Variants in TENT2 observed in about 807,000 individuals in gnomAD.
TENT2 encodes the protein poly(A) RNA polymerase GLD2.
In TENT2, 44 loss-of-function variants were observed where a neutral mutation model predicts 72.2. The ratio of observed to expected loss-of-function variants is 0.61; its 90% CI spans 0.48 to 0.78. The LOEUF (loss-of-function observed/expected upper bound fraction) is 0.78, where lower values mean the gene tolerates loss of function less well. TENT2 is among the 30% of genes least tolerant of loss of function. The probability of loss-of-function intolerance (pLI) is 0.00; values close to 1 mark genes in which losing one functional copy is unlikely to be tolerated. For synonymous variants in TENT2, 212 were observed against 192.5 expected (o/e 1.10, Z -0.84); for missense variants, 541 against 569.6 (o/e 0.95, Z 0.51).
chr5:79,620,907 A>G (rs538483038), intron 3 of TENT2, among the ~76,000 whole-genome samples: 2 of 152,284 alleles, frequency 1.3e-5, no homozygotes, highest in South Asian at 2.1e-4. Context: ...AAAACTTCCT[A>G]TAGTCAAGTC....
rs1229523040 is a variant in TENT2 at position 79,616,189 on chromosome 5, ATT to A, written c.-38+3139_-38+3140del. 4.3e-3 allele frequency among the ~76,000 whole-genome samples: 382 copies of A among 88,072 alleles called. 1 individual carries two copies. Among genetic ancestry groups the A allele is most frequent in the African/African-American group, 0.019 (345 of 17,906 alleles). The allele number at this position is 88,072 out of a possible 152,430, so 57.8% of individuals were successfully genotyped here. On this transcript the variant is annotated intron_variant, in intron 1 of 14. Coordinates refer to ENST00000453514, the MANE Select transcript of TENT2 (RefSeq NM_001114394.3). ...GGCATGAGCCATTGCACCCGGCCTA[ATT>A]TTTTTTTTTTTTTTTTTTTTTTTTG...
intron 4 of TENT2, among the ~76,000 whole-genome samples, chr5:79,627,109 G>T (rs572567363): frequency 6.9e-6 from 1 of 145,172 alleles, no homozygotes; most frequent in African/African-American, 2.7e-5. Flanking sequence ...CAGCCTGGGC[G>T]ACAGAGTGAG....
intron 4 of TENT2, among the ~76,000 whole-genome samples, chr5:79,634,559 G>C (rs925606589): frequency 2.0e-5 from 3 of 151,960 alleles, no homozygotes; most frequent in African/African-American, 7.3e-5. Flanking sequence ...GGCTGGTCTC[G>C]AACTCCTGAC....
rs1554095316 is a variant in TENT2 at position 79,683,326 on chromosome 5, C to CACAA, written c.1380+1268_1380+1269insAACA. On this transcript the variant is annotated intron_variant, in intron 14 of 14. Transcript: ENST00000453514. ...GCACGCACATGCTCACACACACACACACACACACACACACACCCCACCTCA... is the reference window on the plus strand; with the variant it reads ...GCACGCACATGCTCACACACACACACACAAACACACACACACACACCCCACCTCA... 4.2e-3 allele frequency among the ~76,000 whole-genome samples: 636 copies of CACAA among 151,690 alleles called. 5 individuals are homozygous for CACAA. The highest frequency in any genetic ancestry group is 0.014 in the African/African-American group (562 of 41,304).
intron 12 of TENT2, among the ~76,000 whole-genome samples, chr5:79,672,605 C>T (rs1367154776): frequency 6.6e-6 from 1 of 152,170 alleles, no homozygotes; most frequent in Admixed American, 6.5e-5. Flanking sequence ...TAATGTCCTC[C>T]AATTCCATCC....
chr5:79,623,223 A>G, intron 3 of TENT2, 29 bp from the exon 4 acceptor site: 1 of 1,487,850 alleles, frequency 6.7e-7, no homozygotes, highest in South Asian at 1.3e-5. Flanking sequence ...TTGTATCTTT[A>G]ATTACTAAGG....
intron 7 of TENT2, chr5:79,644,864 A>C (rs910675912): frequency 3.3e-6 from 1 of 305,986 alleles, no homozygotes; most frequent in African/African-American, 2.2e-5. Context: ...TCACTCTTAC[A>C]GTGGTCTAAT....
At chr5:79,640,089 T>C (rs1233523645) in intron 4 of TENT2, among the ~76,000 whole-genome samples, 1 of 151,992 alleles carries the variant, frequency 6.6e-6, no homozygotes, top group Non-Finnish European at 1.5e-5. Context: ...AAACCCTGTC[T>C]CTACAAAGAT....
At chr5:79,626,844 C>A (rs1256389532) in intron 4 of TENT2, among the ~76,000 whole-genome samples, 8 of 151,714 alleles carry the variant, frequency 5.3e-5, no homozygotes, top group Non-Finnish European at 1.2e-4. Context: ...CGTATAAGAA[C>A]CTTTTTGCTG....
chr5:79,649,762 A>G (rs939656589), intron 10 of TENT2, among the ~76,000 whole-genome samples: 1 of 152,148 alleles, frequency 6.6e-6, no homozygotes, highest in African/African-American at 2.4e-5. Context: ...AACACTTGTA[A>G]TTTGGACCAT....
rs894797592 is a variant in TENT2 at position 79,612,463 on chromosome 5, C to T, written c.-650C>T. ...CTCATCCGGGGTCACGTCGGTCTTC[C>T]GGGTGTCTTTGACAGGGTTTTCTAC... On this transcript the variant is annotated 5_prime_UTR_variant, in exon 1 of 15. Coordinates refer to ENST00000453514, the MANE Select transcript of TENT2 (RefSeq NM_001114394.3). The T allele has an allele frequency of 6.6e-6, 1 of 151,988 alleles. No homozygotes were observed. Among genetic ancestry groups the T allele is most frequent in the Non-Finnish European group, 1.5e-5 (1 of 67,984 alleles). The allele number at this position is 151,988 out of a possible 1,614,324, so 9.4% of individuals were successfully genotyped here. A position where few individuals can be genotyped will look rare whatever the true frequency, so the allele number is the denominator to read the frequency against.
chr5:79,626,944 A>G (rs530082385), intron 4 of TENT2, among the ~76,000 whole-genome samples: 6 of 152,064 alleles, frequency 3.9e-5, no homozygotes, highest in African/African-American at 1.4e-4. Context: ...AGCCTGGCCA[A>G]TATGGTGAAA....
At chr5:79,631,190 T>C (rs1473790892) in intron 4 of TENT2, among the ~76,000 whole-genome samples, 2 of 152,196 alleles carry the variant, frequency 1.3e-5, no homozygotes, top group East Asian at 1.9e-4. Flanking sequence ...AAAATGCCTA[T>C]GGACATTGCC....
At chr5:79,616,722 A>T (rs1760425093) in intron 1 of TENT2, among the ~76,000 whole-genome samples, 1 of 152,186 alleles carries the variant, frequency 6.6e-6, no homozygotes, top group African/African-American at 2.4e-5. Context: ...ATATGACAGG[A>T]TTATTTTCTT....
At chr5:79,679,549 T>G in intron 12 of TENT2, 30 bp from the exon 13 acceptor site, 1 of 1,465,882 alleles carries the variant, frequency 6.8e-7, no homozygotes, top group South Asian at 1.3e-5. Context: ...ATGAAAATAG[T>G]TAACATGGTT....
chr5:79,680,136 A>G (rs1246360899), intron 13 of TENT2, among the ~76,000 whole-genome samples: 2 of 152,158 alleles, frequency 1.3e-5, no homozygotes, highest in Non-Finnish European at 2.9e-5. Context: ...TATCCTTGAG[A>G]CACTTTGAGT....
chr5:79,675,065 T>C (rs535021774), intron 12 of TENT2, among the ~76,000 whole-genome samples: 1 of 152,310 alleles, frequency 6.6e-6, no homozygotes, highest in Non-Finnish European at 1.5e-5. Context: ...ATATGGATAA[T>C]GTAACTCATT....
At chr5:79,617,621 C>T (rs1315843875) in intron 1 of TENT2, 1 of 152,140 alleles carries the variant, frequency 6.6e-6, no homozygotes, top group African/African-American at 2.4e-5. Flanking sequence ...TGTTTCTGCC[C>T]TACATCAGAT....
chr5:79,663,757 AC>A (rs2150486635), intron 11 of TENT2, among the ~76,000 whole-genome samples: 1 of 152,358 alleles, frequency 6.6e-6, no homozygotes, highest in Admixed American at 6.5e-5. Flanking sequence ...AGAGTGGAAC[AC>A]AGAGACCTGA....
Sources: allele counts gnomAD v4.1 joint callset (sites outside exome capture counted in the v4.1 genomes callset), GRCh38; gene constraint gnomAD v4.1.1; transcripts MANE v1.5; gene names NCBI Gene and HGNC (gene_info 2026-07-23, HGNC 2026-07-21).